KIF5B: variants seen among roughly 807,000 people sequenced by gnomAD.
The protein encoded by KIF5B is kinesin-1 heavy chain.
KIF5B carries 49 observed loss-of-function variants against 132.8 expected under a neutral mutation model. The observed-to-expected ratio is 0.37, with a 90% CI of 0.29 to 0.47. The LOEUF (loss-of-function observed/expected upper bound fraction) is 0.47. KIF5B is among the 20% of genes least tolerant of loss of function. KIF5B has a pLI of 1.00. For missense variants in KIF5B, 780 were observed against 1,144.0 expected, an observed-to-expected ratio of 0.68 and a Z score of 4.59; for synonymous variants, 355 against 369.4, an observed-to-expected ratio of 0.96 and a Z score of 0.45.
chr10:32,020,344 C>T (rs1022298039), intron 19 of KIF5B, among the ~76,000 whole-genome samples: 1 of 151,122 alleles, frequency 6.6e-6, no homozygotes, highest in Non-Finnish European at 1.5e-5. Context: ...GTTATGGAGG[C>T]AGGGAAATTG....
chr10:32,019,994 A>G lies in KIF5B; in HGVS notation c.2205-35T>C, dbSNP rs751206604. On this transcript the variant is annotated intron_variant, in intron 19 of 25. Transcript: ENST00000302418. ...GAAAAAAATAATTAACACAGTATCA[A>G]TATCACAGTTTTCTCAATGTCATCA... The G allele has an allele frequency of 4.5e-6, 6 of 1,333,952 alleles. No individual in the cohort carries two copies. In the African/African-American group the frequency reaches 7.4e-5, roughly 16 times the overall value. The allele number at this position is 1,333,952 out of a possible 1,614,324, so 82.6% of individuals were successfully genotyped here. A position where few individuals can be genotyped will look rare whatever the true frequency, so the allele number is the denominator to read the frequency against.
intron 15 of KIF5B, 148 bp from the exon 16 acceptor site, chr10:32,023,184 C>T: frequency 2.3e-6 from 1 of 438,762 alleles, no homozygotes. Context: ...TCTTTTATTA[C>T]TGTTTTCAAC....
chr10:32,028,380 G>T, intron 15 of KIF5B, 48 bp downstream of exon 15: 2 of 1,438,220 alleles, frequency 1.4e-6, no homozygotes, highest in Non-Finnish European at 1.9e-6. Flanking sequence ...AAACAAAAGT[G>T]CCAGTGTATA....
chr10:32,040,210 ATT>A (rs1564469243), intron 3 of KIF5B, among the ~76,000 whole-genome samples, 172 bp downstream of exon 3: 2 of 152,216 alleles, frequency 1.3e-5, no homozygotes, highest in Non-Finnish European at 1.5e-5. Flanking sequence ...ATCCCTTACT[ATT>A]TAAACTCAGG....
Position 32,033,888 on chromosome 10 carries a change from C to T in KIF5B, c.1262G>A (p.Cys421Tyr). The change falls in exon 12 of 26, where the codon TGT (cysteine) becomes TAT (tyrosine). Residue 421 changes from cysteine to tyrosine, a missense_variant. By Grantham distance (194) the Cys-to-Tyr change is radical (BLOSUM62 -2). This residue lies in a region of KIF5B where 471 missense variants were observed against 569.9 expected (regional missense o/e 0.83). Transcript: ENST00000302418. Reference protein sequence around the residue: ...GNFTDAERRKCEEEIAKLYKQ... With the variant: ...GNFTDAERRKYEEEIAKLYKQ... ...GTATAATTTAGCAATTTCTTCTTCA[C>T]ACTTTCTTCTTTCAGCATCAGTAAA... 2 of 1,612,926 alleles carry T rather than the reference C, an allele frequency of 1.2e-6. No homozygotes were observed. Among genetic ancestry groups the T allele is most frequent in the Non-Finnish European group, 1.7e-6 (2 of 1,179,652 alleles).
intron 19 of KIF5B, among the ~76,000 whole-genome samples, chr10:32,020,631 C>T (rs1841246385): frequency 6.6e-6 from 1 of 152,060 alleles, no homozygotes; most frequent in Non-Finnish European, 1.5e-5. Context: ...CACTATGTTG[C>T]CCAGCTGGTC....
chr10:32,042,564 G>A (rs1441345837), intron 2 of KIF5B, among the ~76,000 whole-genome samples: 4 of 152,188 alleles, frequency 2.6e-5, no homozygotes, highest in South Asian at 2.1e-4. Context: ...AGTCAGGACC[G>A]TGTTTAACTC....
chr10:32,027,161 A>C (rs1841344133), intron 15 of KIF5B, among the ~76,000 whole-genome samples: 1 of 152,350 alleles, frequency 6.6e-6, no homozygotes, highest in Admixed American at 6.5e-5. Flanking sequence ...TCTGGTTAAC[A>C]GACTGGGCTT....
chr10:32,055,783 C>G, intron 1 of KIF5B, 65 bp downstream of exon 1: 1 of 1,587,810 alleles, frequency 6.3e-7, no homozygotes, highest in Non-Finnish European at 8.6e-7. Flanking sequence ...CTGCCACTTC[C>G]CTAAACTCCC....
chr10:32,012,131 T>A (rs1214673338), intron 25 of KIF5B, among the ~76,000 whole-genome samples: 1 of 152,204 alleles, frequency 6.6e-6, no homozygotes, highest in East Asian at 1.9e-4. Context: ...ATAAATGTCA[T>A]CCTTTCCAAA....
In KIF5B at chr10:32,035,188, A is replaced by G. The variant is rs185552791; in HGVS notation, c.962+334T>C. Among the ~76,000 whole-genome samples, 431 of 152,362 alleles carry G rather than the reference A, an allele frequency of 2.8e-3. 4 individuals carry two copies. The highest frequency in any genetic ancestry group is 9.7e-3 in the African/African-American group (405 of 41,588). On this transcript the variant is annotated intron_variant, in intron 10 of 25. Coordinates refer to ENST00000302418, the MANE Select transcript of KIF5B (RefSeq NM_004521.3). ...TTCCTAATCATCTCATACAGATTAT[A>G]TTAACCTGTCATGCATGTCTACAGG...
intron 1 of KIF5B, among the ~76,000 whole-genome samples, chr10:32,051,167 T>C (rs921790300): frequency 6.6e-6 from 1 of 152,242 alleles, no homozygotes; most frequent in Non-Finnish European, 1.5e-5. Flanking sequence ...TTTATATGTA[T>C]CTACAAATAT....
rs1592439387 is a variant in KIF5B, at chr10:32,019,964, CG to C, written c.2205-6del. On this transcript the variant is annotated splice_polypyrimidine_tract_variant and splice_region_variant and intron_variant, in intron 19 of 25. Coordinates refer to ENST00000302418, the MANE Select transcript of KIF5B (RefSeq NM_004521.3). Reference sequence around the variant, plus strand: ...AACATCATTTTCTGGTTTTGGCTGACGAAAGAAAAAAATAATTAACACAGTA... The same window carrying C: ...AACATCATTTTCTGGTTTTGGCTGACAAAGAAAAAAATAATTAACACAGTA... 1 of 1,576,156 alleles carries C rather than the reference CG, an allele frequency of 6.3e-7. No homozygotes were observed. The highest frequency in any genetic ancestry group is 8.6e-7 in the Non-Finnish European group (1 of 1,159,690).
intron 2 of KIF5B, 75 bp from the exon 3 acceptor site, chr10:32,040,532 G>A: frequency 1.2e-6 from 1 of 822,002 alleles, no homozygotes. Flanking sequence ...TAAACTACAG[G>A]ATGACAGGGT....
At chr10:32,037,461 C>T (rs1841475900) in intron 7 of KIF5B, 59 bp downstream of exon 7, 1 of 1,585,438 alleles carries the variant, frequency 6.3e-7, no homozygotes. Flanking sequence ...TAATTAATCA[C>T]CTGGATAAGG....
chr10:32,043,593 T>C (rs1489416947), intron 2 of KIF5B, among the ~76,000 whole-genome samples: 1 of 152,166 alleles, frequency 6.6e-6, no homozygotes, highest in Non-Finnish European at 1.5e-5. Flanking sequence ...AAAGACCTGA[T>C]GAGATGCTTA....
rs374177791 is a variant in KIF5B, at chr10:32,056,262, C to T, written c.-289G>A. The T allele has an allele frequency of 2.6e-5, 10 of 383,860 alleles. No homozygotes were observed. Among genetic ancestry groups the T allele is most frequent in the African/African-American group, 1.8e-4 (8 of 45,532 alleles). The allele number at this position is 383,860 out of a possible 1,614,324, so 23.8% of individuals were successfully genotyped here. A position where few individuals can be genotyped will look rare whatever the true frequency, so the allele number is the denominator to read the frequency against. Reference sequence around the variant, plus strand: ...CGCGGCTCCTCAGCGTCCCCCTTTACGGTCTGGGCGGACTGCGGGGGCTGG... The same window carrying T: ...CGCGGCTCCTCAGCGTCCCCCTTTATGGTCTGGGCGGACTGCGGGGGCTGG... On this transcript the variant is annotated 5_prime_UTR_variant, in exon 1 of 26. Transcript: ENST00000302418.
At chr10:32,021,370 A>G (rs971730401) in intron 17 of KIF5B, 83 bp from the exon 18 acceptor site, 7 of 964,966 alleles carry the variant, frequency 7.3e-6, no homozygotes, top group South Asian at 2.8e-5. Context: ...GGATTTTACA[A>G]TAAGCATTTT....
chr10:32,011,485 G>GT lies in KIF5B; in HGVS notation c.*51dup, dbSNP rs145356849. On this transcript the variant is annotated 3_prime_UTR_variant, in exon 26 of 26. Transcript: ENST00000302418. ...TCATTGAATGACTGCTTGATACCAT[G>GT]TCCTCTTCGTACTTCGATTACTTTT... 30,435 of 152,210 alleles carry GT rather than the reference G, an allele frequency of 0.2. 3,283 individuals are homozygous for GT. Among genetic ancestry groups the GT allele is most frequent in the Non-Finnish European group, 0.24 (16,636 of 67,932 alleles). The allele number at this position is 152,210 out of a possible 1,614,324, so 9.4% of individuals were successfully genotyped here.
Sources: gnomAD v4.1 joint callset for allele counts (sites outside exome capture counted in the v4.1 genomes callset) on GRCh38, gnomAD v4.1.1 for gene constraint, gnomAD v4.1.1 regional missense constraint, MANE v1.5 for transcripts, NCBI Gene and HGNC (gene_info 2026-07-23, HGNC 2026-07-21) for gene names.